The following DGKB variants were observed in gnomAD, a reference collection of about 807,000 sequenced individuals.
DGKB encodes diacylglycerol kinase beta.
A neutral mutation model predicts 114.3 loss-of-function variants in DGKB; 67 were observed. The ratio of observed to expected loss-of-function variants is 0.59; its 90% CI spans 0.48 to 0.72. The LOEUF (loss-of-function observed/expected upper bound fraction) is 0.72, where lower values mean the gene tolerates loss of function less well. DGKB is among the 30% of genes least tolerant of loss of function. DGKB has a pLI of 0.00. For missense variants in DGKB, 907 were observed against 975.2 expected, an observed-to-expected ratio of 0.93 and a Z score of 0.93; for synonymous variants, 398 against 323.1, an observed-to-expected ratio of 1.23 and a Z score of -2.49.
chr7:14,778,889 C>G (rs1489152608), intron 2 of DGKB, among the ~76,000 whole-genome samples: 1 of 152,194 alleles, frequency 6.6e-6, no homozygotes, highest in African/African-American at 2.4e-5. Context: ...GGCACAGTGG[C>G]TCACACCTGT....
In DGKB at chr7:14,765,923, T is replaced by C. The variant is rs75830597; in HGVS notation, c.71-8192A>G. On this transcript the variant is annotated intron_variant, in intron 2 of 25. Transcript: ENST00000402815. ...CTGTAGTGTTTGCCAATTGCTGTCT[T>C]GTAAATATTTCCACCATGACAATTT... is the stretch of plus-strand genomic sequence containing the variant. Among the ~76,000 whole-genome samples, 1,083 of 152,066 alleles carry C rather than the reference T, an allele frequency of 7.1e-3. 15 individuals carry two copies. The highest frequency in any genetic ancestry group is 0.025 in the African/African-American group (1,022 of 41,546).
chr7:14,864,308 A>T (rs1034719496), intron 1 of DGKB, among the ~76,000 whole-genome samples: 1 of 152,146 alleles, frequency 6.6e-6, no homozygotes, highest in Non-Finnish European at 1.5e-5. Context: ...AACAATAAAA[A>T]CAAACATACA....
In DGKB at chr7:14,694,141, A is replaced by C; in HGVS notation, c.645T>G (p.Ser215=). The C allele has an allele frequency of 1.3e-6, 2 of 1,590,598 alleles. No individual in the cohort carries two copies. The highest frequency in any genetic ancestry group is 8.6e-7 in the Non-Finnish European group (1 of 1,166,882). The change falls in exon 9 of 26, where the codon TCT becomes TCG. Residue 215 remains serine (S), a synonymous_variant. Transcript: ENST00000402815. ...EIDYDHDGTV[S]LEEWIQGGMT... The stretch of plus-strand genomic sequence containing the variant: ...TTCCTCCTTGAATCCATTCCTCCAG[A>C]GACACGGTTCCATCATGATCATAGT...
At chr7:14,603,777 C>T (rs1803989127) in intron 17 of DGKB, among the ~76,000 whole-genome samples, 1 of 152,046 alleles carries the variant, frequency 6.6e-6, no homozygotes, top group African/African-American at 2.4e-5. Context: ...AAATAATTTA[C>T]ATATTTTAAA....
In DGKB at chr7:14,672,970, C is replaced by T; in HGVS notation, c.1093G>A (p.Asp365Asn). 1.3e-6 allele frequency: 2 copies of T among 1,578,764 alleles called. No homozygotes were observed. The highest frequency in any genetic ancestry group is 2.3e-5 in the South Asian group (2 of 85,912). Residue 365 changes from aspartate (D) to asparagine (N), a missense_variant, in exon 13 of 26, where the codon GAC becomes AAC. By Grantham distance (23) the Asp-to-Asn change is conservative. Around this residue, in one of 3 missense-constraint regions of DGKB, gnomAD observed 814 missense variants for 856.6 expected, o/e 0.95. Transcript: ENST00000402815. ...KPECDCGPLK[D>N]HILPPTTICP... ...ATTGTTGTGGGTGGTAAAATATGGTCCTTCAAAGGTCCACAGTCACATTCA... is the reference window on the plus strand; with the variant it reads ...ATTGTTGTGGGTGGTAAAATATGGTTCTTCAAAGGTCCACAGTCACATTCA...
intron 6 of DGKB, among the ~76,000 whole-genome samples, chr7:14,713,160 G>T (rs1827639845): frequency 6.6e-6 from 1 of 152,038 alleles, no homozygotes; most frequent in African/African-American, 2.4e-5. Context: ...TATTATGCAA[G>T]ATAATTTTTT....
chr7:14,950,122 A>T (rs1294351608), intron 1 of DGKB, among the ~76,000 whole-genome samples: 1 of 151,974 alleles, frequency 6.6e-6, no homozygotes, highest in Non-Finnish European at 1.5e-5. Context: ...AAAGAAAAAA[A>T]ATGTTGGAAA....
rs944000211 is a variant in DGKB at position 14,146,277 on chromosome 7, T to G, written c.*2854A>C. ...TCTTAGAAGCGTGGATATCAAGGTT[T>G]ACTCTGAAATGTCTCTCTGGAATCT... is the stretch of plus-strand genomic sequence containing the variant. On this transcript the variant is annotated 3_prime_UTR_variant, in exon 26 of 26. Coordinates refer to ENST00000402815, the MANE Select transcript of DGKB (RefSeq NM_001350709.2). 1 of 152,316 alleles carries G rather than the reference T, an allele frequency of 6.6e-6. No individual in the cohort carries two copies. Among genetic ancestry groups the G allele is most frequent in the East Asian group, 1.9e-4 (1 of 5,184 alleles). 9.4% of individuals were successfully genotyped at this position (152,316 alleles called of 1,614,324 possible). A position where few individuals can be genotyped will look rare whatever the true frequency, so the allele number is the denominator to read the frequency against.
At chr7:14,465,843 A>G (rs1405397240) in intron 21 of DGKB, among the ~76,000 whole-genome samples, 2 of 152,204 alleles carry the variant, frequency 1.3e-5, no homozygotes, top group East Asian at 3.8e-4. Flanking sequence ...TTCATAGTGA[A>G]GTATGGCCCA....
Position 14,233,408 on chromosome 7 carries a change from G to A in DGKB, c.2123-55257C>T, listed in dbSNP as rs115174281. Among the ~76,000 whole-genome samples the A allele has an allele frequency of 6.5e-3, 986 of 152,094 alleles. 9 individuals are homozygous for A. Among genetic ancestry groups the A allele is most frequent in the African/African-American group, 0.023 (949 of 41,532 alleles). On this transcript the variant is annotated intron_variant, in intron 23 of 25. Transcript: ENST00000402815. Reference sequence around the variant, plus strand: ...TTGTAAAGCAATATTTCATGCCAGTGTCCTTTGTTCTTGCCTATAAATTGA... The same window carrying A: ...TTGTAAAGCAATATTTCATGCCAGTATCCTTTGTTCTTGCCTATAAATTGA...
intron 21 of DGKB, among the ~76,000 whole-genome samples, chr7:14,384,182 T>C (rs139896922): frequency 4.5e-4 from 68 of 152,326 alleles, no homozygotes; most frequent in African/African-American, 1.6e-3. Context: ...AATGATAAAT[T>C]TGAAAATCAG....
chr7:14,844,354 G>A (rs1372567979), intron 1 of DGKB, among the ~76,000 whole-genome samples: 1 of 152,076 alleles, frequency 6.6e-6, no homozygotes, highest in Non-Finnish European at 1.5e-5. Context: ...ACTAGACAGG[G>A]GTAAGCAAAT....
chr7:14,766,579 C>A (rs928420151), intron 2 of DGKB, among the ~76,000 whole-genome samples: 2 of 151,754 alleles, frequency 1.3e-5, no homozygotes, highest in Non-Finnish European at 2.9e-5. Flanking sequence ...TATTAGATAT[C>A]CAAGTGTAGC....
intron 2 of DGKB, among the ~76,000 whole-genome samples, chr7:14,768,701 A>C (rs1836831715): frequency 6.6e-6 from 1 of 152,022 alleles, no homozygotes; most frequent in African/African-American, 2.4e-5. Context: ...CATTGCCTAC[A>C]ATGTGACAAT....
intron 1 of DGKB, among the ~76,000 whole-genome samples, chr7:14,947,927 GAAAAAAATAAAC>G (rs1230405781): frequency 1.3e-5 from 2 of 151,406 alleles, no homozygotes; most frequent in Non-Finnish European, 3.0e-5. Flanking sequence ...TGATTGAAAG[GAAAAAAATAAAC>G]AATCCCTCCC....
chr7:14,637,462 C>T (rs1810960806), intron 13 of DGKB, among the ~76,000 whole-genome samples: 2 of 151,446 alleles, frequency 1.3e-5, no homozygotes, highest in South Asian at 2.1e-4. Flanking sequence ...TAGGAGCAAA[C>T]TTCAAGCAGT....
chr7:14,383,870 G>A (rs1015356405), intron 21 of DGKB, among the ~76,000 whole-genome samples: 2 of 152,200 alleles, frequency 1.3e-5, no homozygotes, highest in African/African-American at 2.4e-5. Context: ...GAAAGAGAGC[G>A]TGGTTATTAA....
chr7:14,644,195 T>C (rs1308072193), intron 13 of DGKB, among the ~76,000 whole-genome samples: 1 of 151,448 alleles, frequency 6.6e-6, no homozygotes, highest in Admixed American at 6.6e-5. Context: ...CCTAACTGAC[T>C]CTATAGATAC....
At chr7:14,334,350 A>C (rs951187592) in intron 23 of DGKB, among the ~76,000 whole-genome samples, 2 of 142,676 alleles carry the variant, frequency 1.4e-5, no homozygotes, top group Non-Finnish European at 3.0e-5. Context: ...ATTTCTTTAT[A>C]TGTATATACA....
Sources: allele counts gnomAD v4.1 joint callset (sites outside exome capture counted in the v4.1 genomes callset), GRCh38; gene constraint gnomAD v4.1.1; regional missense constraint gnomAD v4.1.1; transcripts MANE v1.5; gene names NCBI Gene and HGNC (gene_info 2026-07-23, HGNC 2026-07-21).